Variants in CD151 observed in about 807,000 individuals in gnomAD.
CD151 encodes the protein CD151 molecule (Raph blood group).
In CD151, 20 loss-of-function variants were observed where a neutral mutation model predicts 34.2. That is an observed-to-expected ratio of 0.58 (90% CI 0.41 to 0.85). The LOEUF is 0.85. Ranked by LOEUF, CD151 falls within the 40% of genes least tolerant of loss-of-function variation. CD151 has a pLI of 0.00. For missense variants in CD151, 306 were observed against 324.5 expected (o/e 0.94, Z 0.44); for synonymous variants, 157 against 131.7 (o/e 1.19, Z -1.32).
At chr11:833,329 C>T (rs1296923853) in intron 1 of CD151, among the ~76,000 whole-genome samples, 1 of 152,186 alleles carries the variant, frequency 6.6e-6, no homozygotes, top group Non-Finnish European at 1.5e-5. Flanking sequence ...CCCCCTTCAG[C>T]CCAGGGGTCC....
chr11:836,912 C>T, intron 5 of CD151, 69 bp downstream of exon 5: 1 of 1,380,448 alleles, frequency 7.2e-7, no homozygotes. Flanking sequence ...CACACATGCA[C>T]ACGCGTGGCT....
chr11:836,155 TGA>T lies in CD151; in HGVS notation c.84+4_84+5del. The T allele has an allele frequency of 6.2e-7, 1 of 1,611,102 alleles. No individual in the cohort carries two copies. Among genetic ancestry groups the T allele is most frequent in the Non-Finnish European group, 8.5e-7 (1 of 1,178,478 alleles). On this transcript the variant is annotated splice_donor_region_variant and intron_variant, in intron 3 of 8. Coordinates refer to ENST00000397420, the MANE Select transcript of CD151 (RefSeq NM_004357.5). Reference sequence around the variant, plus strand: ...TTTACCTACAATTGCTGCTTCTGGGTGAGGAGGGGTCGCCTTGCCCCCACCCC... The same window carrying T: ...TTTACCTACAATTGCTGCTTCTGGGTGGAGGGGTCGCCTTGCCCCCACCCC...
At position 837,626 on chromosome 11, in the gene CD151, T is replaced by C. The variant is rs770832891; in HGVS notation, c.615+8T>C. ...AACATCTACAAGGTGGAGGTGGGTG[T>C]GCAGCGGGATCATGCCTCCAGTGTC... On this transcript the variant is annotated splice_region_variant and intron_variant, in intron 7 of 8. Transcript: ENST00000397420. 6.2e-7 allele frequency: 1 copy of C among 1,610,490 alleles called. No individual in the cohort carries two copies. The highest frequency in any genetic ancestry group is 2.2e-5 in the East Asian group (1 of 44,730).
At position 838,698 on chromosome 11, in the gene CD151, CGTGG is replaced by C; in HGVS notation, c.*507_*510del. 1 of 199,754 alleles carries C rather than the reference CGTGG, an allele frequency of 5.0e-6. No homozygotes were observed. The highest frequency in any genetic ancestry group is 1.0e-5 in the Non-Finnish European group (1 of 96,464). 12.4% of individuals were successfully genotyped at this position (199,754 alleles called of 1,614,324 possible). On this transcript the variant is annotated 3_prime_UTR_variant, in exon 9 of 9. Transcript: ENST00000397420. ...GCAGTCACCACCACCCGAAATGCCACGTGGTCACTGTGCACTGCCCTGTTCATGT... is the reference window on the plus strand; with the variant it reads ...GCAGTCACCACCACCCGAAATGCCACTCACTGTGCACTGCCCTGTTCATGT...
rs1218665311 is a variant in CD151, at chr11:833,003, G to C, written c.-93G>C. On this transcript the variant is annotated 5_prime_UTR_variant, in exon 1 of 9. Coordinates refer to ENST00000397420, the MANE Select transcript of CD151 (RefSeq NM_004357.5). ...CCGCAGCTGCTGCCGCCGCCGCCAG[G>C]GCCCGGACTCGGACGCGTGGTAGGT... 1.5e-5 allele frequency: 2 copies of C among 129,634 alleles called. No individual in the cohort carries two copies. Among genetic ancestry groups the C allele is most frequent in the Non-Finnish European group, 3.5e-5 (2 of 57,758 alleles). 8.0% of individuals were successfully genotyped at this position (129,634 alleles called of 1,614,324 possible).
rs35465458 is a variant in CD151 at position 838,115 on chromosome 11, A to G, written c.703-18A>G. On this transcript the variant is annotated intron_variant, in intron 8 of 8. Transcript: ENST00000397420. ...GGCCCCATGACGTCTGCTTACGCCC[A>G]CCCGGCTCTGCACACAGGTCTTTGG... 1.0e-3 allele frequency: 1,637 copies of G among 1,612,538 alleles called. 8 individuals are homozygous for G. The Middle Eastern group carries it at 0.017, about 17-fold the overall frequency.
chr11:833,473 C>T (rs967197069), intron 1 of CD151, among the ~76,000 whole-genome samples: 3 of 152,222 alleles, frequency 2.0e-5, no homozygotes, highest in African/African-American at 2.4e-5. Context: ...GCGGCGGTGA[C>T]CTCATTGCAG....
chr11:835,624 G>C (rs1846728066), intron 2 of CD151: 1 of 164,448 alleles, frequency 6.1e-6, no homozygotes, highest in Non-Finnish European at 1.3e-5. Context: ...TTATAGGCAT[G>C]AGACACCGCA....
At chr11:838,067 C>T (rs1417681595) in intron 8 of CD151, 39 bp downstream of exon 8, 1 of 1,608,090 alleles carries the variant, frequency 6.2e-7, no homozygotes, top group Admixed American at 1.7e-5. Flanking sequence ...TTGTTGGGGA[C>T]ACGGGGCAGG....
chr11:837,258 G>A lies in CD151; in HGVS notation c.360G>A (p.Thr120=), dbSNP rs752602518. The A allele has an allele frequency of 5.0e-6, 8 of 1,612,634 alleles. No individual in the cohort carries two copies. The highest frequency in any genetic ancestry group is 2.7e-5 in the African/African-American group (2 of 74,900). ...LAYAYYQQLN[T]ELKENLKDTM... is the part of the protein sequence containing the mutation. ...CTGCACCCCAACCCCAGCTGAACAC[G>A]GAGCTCAAGGAGAACCTGAAGGACA... Residue 120 remains threonine (T), a synonymous_variant, in exon 6 of 9, where the codon ACG becomes ACA. Transcript: ENST00000397420.
chr11:838,156 C>G lies in CD151; in HGVS notation c.726C>G (p.Cys242Trp), dbSNP rs1181152195. The G allele has an allele frequency of 6.2e-7, 1 of 1,613,148 alleles. No individual in the cohort carries two copies. Among genetic ancestry groups the G allele is most frequent in the Non-Finnish European group, 8.5e-7 (1 of 1,179,894 alleles). The change falls in exon 9 of 9, where the codon TGC becomes TGG. Residue 242 changes from cysteine (C) to tryptophan (W), a missense_variant. Cys to Trp is a radical substitution (Grantham distance 215). Coordinates refer to ENST00000397420, the MANE Select transcript of CD151 (RefSeq NM_004357.5). ...AGGTCTTTGGCATGATCTTCACGTG[C>G]TGCCTGTACAGGAGTCTCAAGCTGG... ...CVQVFGMIFTCCLYRSLKLEH... is the reference protein window; with the variant it reads ...CVQVFGMIFTWCLYRSLKLEH...
intron 5 of CD151, 72 bp downstream of exon 5, chr11:836,915 G>A (rs950540477): frequency 2.1e-5 from 29 of 1,349,856 alleles, no homozygotes; most frequent in Admixed American, 3.6e-5. Context: ...ACATGCACAC[G>A]CGTGGCTAGC....
At chr11:837,686 T>G (rs1846829183) in intron 7 of CD151, 68 bp downstream of exon 7, 1 of 1,502,736 alleles carries the variant, frequency 6.7e-7, no homozygotes, top group Non-Finnish European at 9.2e-7. Flanking sequence ...AGTGACTGGC[T>G]GTGGGCAGTG....
chr11:836,791 T>C lies in CD151; in HGVS notation c.299T>C (p.Ile100Thr). 1 of 1,612,760 alleles carries C rather than the reference T, an allele frequency of 6.2e-7. No individual in the cohort carries two copies. Among genetic ancestry groups the C allele is most frequent in the Non-Finnish European group, 8.5e-7 (1 of 1,179,924 alleles). The part of the protein sequence containing the change: ...LRLYFILLLI[I>T]FLLEIIAGIL... ...CAGTACTTCATCCTGCTCCTCATCA[T>C]CTTTCTGCTGGAGATCATCGCTGGT... is the stretch of plus-strand genomic sequence containing the variant. The change falls in exon 5 of 9, where the codon ATC becomes ACC. Residue 100 changes from isoleucine to threonine, a missense_variant. Coordinates refer to ENST00000397420, the MANE Select transcript of CD151 (RefSeq NM_004357.5).
intron 2 of CD151, chr11:835,856 T>A (rs1846743866): frequency 2.0e-6 from 1 of 510,948 alleles, no homozygotes; most frequent in African/African-American, 1.9e-5. Flanking sequence ...CCCGGCTAAT[T>A]TTTTGTATTT....
rs369569073 is a variant in CD151 at position 836,750 on chromosome 11, C to T, written c.277-19C>T. On this transcript the variant is annotated intron_variant, in intron 4 of 8. Transcript: ENST00000397420. ...CACTAGGCCTCAGAACAAGGGTGCCCTTGTGCTGCCCCCCCCAGTACTTCA... is the reference window on the plus strand; with the variant it reads ...CACTAGGCCTCAGAACAAGGGTGCCTTTGTGCTGCCCCCCCCAGTACTTCA... 6.8e-6 allele frequency: 11 copies of T among 1,612,140 alleles called. No individual in the cohort carries two copies. The African/African-American group carries it at 1.2e-4, about 18-fold the overall frequency.
intron 1 of CD151, chr11:833,880 C>T (rs1846654159): frequency 1.3e-5 from 1 of 77,702 alleles, no homozygotes; most frequent in Non-Finnish European, 2.9e-5. Context: ...GCCACCCTTC[C>T]TGCGTGTATT....
intron 2 of CD151, chr11:835,720 C>T (rs1019076072): frequency 4.7e-5 from 10 of 213,726 alleles, no homozygotes; most frequent in South Asian, 1.7e-4. Context: ...TGGAGTCTCA[C>T]TCTGTCGCCC....
In CD151 at chr11:837,500, A is replaced by G; in HGVS notation, c.497A>G (p.Asp166Gly). Residue 166 changes from aspartate (D) to glycine (G), a missense_variant, in exon 7 of 9, where the codon GAC (aspartate) becomes GGC (glycine). Physicochemically the swap from Asp to Gly is moderately conservative, Grantham distance 94. Transcript: ENST00000397420. ...CGSNNSQDWR[D>G]SEWIRSQEAG... is the part of the protein sequence containing the mutation. ...AGCAACAACTCACAGGACTGGCGAG[A>G]CAGTGAGTGGATCCGCTCACAGGAG... 1 of 1,612,904 alleles carries G rather than the reference A, an allele frequency of 6.2e-7. No homozygotes were observed. Among genetic ancestry groups the G allele is most frequent in the Non-Finnish European group, 8.5e-7 (1 of 1,179,950 alleles).
Sources: gnomAD v4.1 joint callset for allele counts (sites outside exome capture counted in the v4.1 genomes callset) on GRCh38, gnomAD v4.1.1 for gene constraint, MANE v1.5 for transcripts, NCBI Gene and HGNC (gene_info 2026-07-23, HGNC 2026-07-21) for gene names.